GLS: variants seen among roughly 807,000 people sequenced by gnomAD.
The protein encoded by GLS is glutaminase, also known as glutaminase kidney isoform, mitochondrial.
A neutral mutation model predicts 86.7 loss-of-function variants in GLS; 36 were observed. The ratio of observed to expected loss-of-function variants is 0.42; its 90% CI spans 0.32 to 0.55. The LOEUF is 0.55. Among genes scored for constraint, GLS ranks in the 20% least tolerant of loss-of-function variants. The pLI, the probability that GLS is intolerant of heterozygous loss-of-function variation, is 0.17. For missense variants in GLS, 528 were observed against 833.4 expected (o/e 0.63, Z 4.51); for synonymous variants, 317 against 305.9 (o/e 1.04, Z -0.38).
At position 190,881,439 on chromosome 2, in the gene GLS, G is replaced by A; in HGVS notation, c.355G>A (p.Glu119Lys). The A allele has an allele frequency of 1.3e-6, 2 of 1,544,328 alleles. No individual in the cohort carries two copies. The highest frequency in any genetic ancestry group is 1.7e-6 in the Non-Finnish European group (2 of 1,144,576). The change falls in exon 1 of 18, where the codon GAG (glutamate) becomes AAG (lysine). Residue 119 changes from glutamate to lysine, a missense_variant. Around this residue, in one of 4 missense-constraint regions of GLS, gnomAD observed 224 missense variants for 187.9 expected, o/e 1.19. Transcript: ENST00000320717. Reference protein sequence around the residue: ...PGETDAFGNSEGKELVASGEN... With the variant: ...PGETDAFGNSKGKELVASGEN... The stretch of plus-strand genomic sequence containing the variant: ...GGAGACGGACGCGTTTGGCAACAGC[G>A]AGGGCAAAGAGCTGGTGGCCTCAGG...
Position 190,963,576 on chromosome 2 carries a change from T to G in GLS, c.*590T>G, listed in dbSNP as rs1369749897. The stretch of plus-strand genomic sequence containing the variant: ...ATTAGACTTTATCAGGGAATCTGTT[T>G]AAGATATGTTTGGTGACCAAAACGT... On this transcript the variant is annotated 3_prime_UTR_variant, in exon 18 of 18. Coordinates refer to ENST00000320717, the MANE Select transcript of GLS (RefSeq NM_014905.5). The G allele has an allele frequency of 2.0e-5, 3 of 152,670 alleles. No individual in the cohort carries two copies. Among genetic ancestry groups the G allele is most frequent in the Admixed American group, 1.3e-4 (2 of 15,280 alleles). 9.5% of individuals were successfully genotyped at this position (152,670 alleles called of 1,614,324 possible). A position where few individuals can be genotyped will look rare whatever the true frequency, so the allele number is the denominator to read the frequency against.
Position 190,881,326 on chromosome 2 carries a change from A to C in GLS, c.242A>C (p.Gln81Pro). ...TCCAGCTCTCCTTCGGAGATCTTGC[A>C]GGAGCTGGGCAAGGGGAGCACGCAT... ...GLSSSPSEIL[Q>P]ELGKGSTHPQ... The change falls in exon 1 of 18, where the codon CAG becomes CCG. Residue 81 changes from glutamine (Q) to proline (P), a missense_variant. Physicochemically the swap from Gln to Pro is moderately conservative, Grantham distance 76 (BLOSUM62 -1). This residue lies in a region of GLS where 224 missense variants were observed against 187.9 expected (regional missense o/e 1.19). Transcript: ENST00000320717. 6.6e-7 allele frequency: 1 copy of C among 1,523,172 alleles called. No individual in the cohort carries two copies. The highest frequency in any genetic ancestry group is 1.4e-5 in the African/African-American group (1 of 70,138). The allele number at this position is 1,523,172 out of a possible 1,614,324, so 94.4% of individuals were successfully genotyped here.
intron 1 of GLS, among the ~76,000 whole-genome samples, chr2:190,889,935 T>A (rs1688507842): frequency 6.6e-6 from 1 of 152,184 alleles, no homozygotes; most frequent in South Asian, 2.1e-4. Context: ...CCAGTTTAGT[T>A]CTCTTATGTG....
chr2:190,929,694 T>C (rs1690035608), intron 12 of GLS, among the ~76,000 whole-genome samples: 1 of 152,050 alleles, frequency 6.6e-6, no homozygotes, highest in Admixed American at 6.6e-5. Context: ...GGTCTTGAAC[T>C]CCTGACCTCA....
At chr2:190,919,448 T>C (rs2124891278) in intron 7 of GLS, among the ~76,000 whole-genome samples, 1 of 152,246 alleles carries the variant, frequency 6.6e-6, no homozygotes, top group East Asian at 1.9e-4. Context: ...GGGTACAGTT[T>C]AGGTCACAGA....
Position 190,943,533 on chromosome 2 carries a change from A to T in GLS, c.1651-10032A>T, listed in dbSNP as rs1303806590. On this transcript the variant is annotated intron_variant, in intron 14 of 17. Coordinates refer to ENST00000320717, the MANE Select transcript of GLS (RefSeq NM_014905.5). The surrounding 1 kb of genome is among the most constrained non-coding windows in gnomAD (Gnocchi z 4.5). ...TATTTTAAGGAGTTTGGAGCATTGA[A>T]CTGTATGAAAGCATAGATAATTTAG... Among the ~76,000 whole-genome samples the T allele has an allele frequency of 6.6e-6, 1 of 152,168 alleles. No homozygotes were observed. Among genetic ancestry groups the T allele is most frequent in the Non-Finnish European group, 1.5e-5 (1 of 68,024 alleles).
chr2:190,953,811 G>A lies in GLS; in HGVS notation c.1712+185G>A, dbSNP rs1327073142. Among the ~76,000 whole-genome samples, 1 of 151,988 alleles carries A rather than the reference G, an allele frequency of 6.6e-6. No homozygotes were observed. Among genetic ancestry groups the A allele is most frequent in the Non-Finnish European group, 1.5e-5 (1 of 67,998 alleles). ...CTGCTTTCCAATCTTGTCCTTTTCTGCCTCCTATAAAAAAGACCATATCTC... is the reference window on the plus strand; with the variant it reads ...CTGCTTTCCAATCTTGTCCTTTTCTACCTCCTATAAAAAAGACCATATCTC... On this transcript the variant is annotated intron_variant, in intron 15 of 17. Transcript: ENST00000320717. This position sits in a 1 kb window ranked among gnomAD's most constrained non-coding sequence, Gnocchi z 4.0.
chr2:190,962,932 T>C lies in GLS; in HGVS notation c.1956T>C (p.Ser652=), dbSNP rs1318688133. The stretch of plus-strand genomic sequence containing the variant: ...TCCAGTACACACCTCAAGGAGATTC[T>C]GACAACGGGAAGGAAAATCAAACCG... ...YQVQYTPQGD[S]DNGKENQTVH... is the part of the protein sequence containing the mutation. The change falls in exon 18 of 18, where the codon TCT becomes TCC. Residue 652 remains serine, a synonymous_variant. Coordinates refer to ENST00000320717, the MANE Select transcript of GLS (RefSeq NM_014905.5). This position sits in a 1 kb window ranked among gnomAD's most constrained non-coding sequence, Gnocchi z 4.2. The C allele has an allele frequency of 6.2e-7, 1 of 1,610,894 alleles. No individual in the cohort carries two copies. Among genetic ancestry groups the C allele is most frequent in the East Asian group, 2.2e-5 (1 of 44,792 alleles).
At chr2:190,959,411 C>A (rs933426138) in intron 17 of GLS, among the ~76,000 whole-genome samples, 1 of 152,052 alleles carries the variant, frequency 6.6e-6, no homozygotes, top group African/African-American at 2.4e-5. Context: ...GGGCTTTTAG[C>A]CCATTTACAT....
At chr2:190,888,071 C>G (rs1005953914) in intron 1 of GLS, among the ~76,000 whole-genome samples, 1 of 152,112 alleles carries the variant, frequency 6.6e-6, no homozygotes, top group Non-Finnish European at 1.5e-5. Context: ...GATTTCCCCC[C>G]CATTATAAGT....
rs1344961047 is a variant in GLS, at chr2:190,897,975, G to A, written c.605+2250G>A. The stretch of plus-strand genomic sequence containing the variant: ...AAAACCTGTTCGAAAGTTGGAGACT[G>A]CCTGTACCCAGGTTGATAGTCAATT... On this transcript the variant is annotated intron_variant, in intron 3 of 17. Coordinates refer to ENST00000320717, the MANE Select transcript of GLS (RefSeq NM_014905.5). This position sits in a 1 kb window ranked among gnomAD's most constrained non-coding sequence, Gnocchi z 4.3. Among the ~76,000 whole-genome samples, 1 of 152,168 alleles carries A rather than the reference G, an allele frequency of 6.6e-6. No individual in the cohort carries two copies. The highest frequency in any genetic ancestry group is 1.9e-4 in the East Asian group (1 of 5,196).
intron 5 of GLS, among the ~76,000 whole-genome samples, chr2:190,904,722 T>C (rs1482419877): frequency 6.6e-6 from 1 of 152,140 alleles, no homozygotes; most frequent in Non-Finnish European, 1.5e-5. Context: ...TTAAAACACA[T>C]GGGAAGATGT....
intron 6 of GLS, among the ~76,000 whole-genome samples, chr2:190,909,998 A>G (rs1036047955): frequency 6.6e-6 from 1 of 152,168 alleles, no homozygotes; most frequent in African/African-American, 2.4e-5. Context: ...TGATTGTGCC[A>G]CTGCACTTCA....
chr2:190,924,729 A>G lies in GLS; in HGVS notation c.1248+136A>G. ...CAAGAGATAGAGGTCATCCTGGCCAACATGGTGAAACCCCATCTCTACTAA... is the reference window on the plus strand; with the variant it reads ...CAAGAGATAGAGGTCATCCTGGCCAGCATGGTGAAACCCCATCTCTACTAA... On this transcript the variant is annotated intron_variant, in intron 11 of 17. Transcript: ENST00000320717. The surrounding 1 kb of genome is among the most constrained non-coding windows in gnomAD (Gnocchi z 5.2). The G allele has an allele frequency of 1.6e-6, 1 of 607,410 alleles. No individual in the cohort carries two copies. The highest frequency in any genetic ancestry group is 1.7e-5 in the South Asian group (1 of 58,976). 37.6% of individuals were successfully genotyped at this position (607,410 alleles called of 1,614,324 possible).
chr2:190,925,134 T>A lies in GLS; in HGVS notation c.1248+541T>A, dbSNP rs190141366. ...AAGAATTGTCAAAAATAATGAACACTCCCAGAAATTGGCACTCTTAATTAT... is the reference window on the plus strand; with the variant it reads ...AAGAATTGTCAAAAATAATGAACACACCCAGAAATTGGCACTCTTAATTAT... On this transcript the variant is annotated intron_variant, in intron 11 of 17. Coordinates refer to ENST00000320717, the MANE Select transcript of GLS (RefSeq NM_014905.5). 1.6e-4 allele frequency among the ~76,000 whole-genome samples: 25 copies of A among 152,346 alleles called. No individual in the cohort carries two copies. In the East Asian group the frequency reaches 4.4e-3, roughly 27 times the overall value.
chr2:190,890,452 C>G (rs369985718), intron 1 of GLS, among the ~76,000 whole-genome samples: 2 of 152,120 alleles, frequency 1.3e-5, no homozygotes, highest in East Asian at 3.9e-4. Context: ...AGCAGTAAAG[C>G]CTTAAAAGAT....
At chr2:190,922,520 C>T (rs760675626) in intron 9 of GLS, among the ~76,000 whole-genome samples, 25 of 151,970 alleles carry the variant, frequency 1.6e-4, no homozygotes, top group Non-Finnish European at 4.4e-5. Context: ...CTCTCTTTGC[C>T]CCATAACCAC....
At chr2:190,896,559 T>C (rs1354654429) in intron 3 of GLS, 2 of 152,208 alleles carry the variant, frequency 1.3e-5, no homozygotes, top group African/African-American at 4.8e-5. Flanking sequence ...TTACTTTTGT[T>C]TTATCTTCTT....
intron 14 of GLS, among the ~76,000 whole-genome samples, chr2:190,948,350 T>A (rs1378667715): frequency 5.3e-5 from 8 of 152,224 alleles, no homozygotes; most frequent in Admixed American, 5.2e-4. Context: ...TTTTTTCTCA[T>A]GCTTTTGAAT....
Sources: gnomAD v4.1 joint callset for allele counts (sites outside exome capture counted in the v4.1 genomes callset) on GRCh38, gnomAD v4.1.1 for gene constraint, gnomAD v4.1.1 regional missense constraint, Gnocchi (gnomAD v3.1) non-coding constraint, MANE v1.5 for transcripts, NCBI Gene and HGNC (gene_info 2026-07-23, HGNC 2026-07-21) for gene names.